Variants in STK39 observed in about 807,000 individuals in gnomAD.
STK39 encodes the protein STE20/SPS1-related proline-alanine-rich protein kinase.
In STK39, 20 loss-of-function variants were observed where a neutral mutation model predicts 77.8. That is an observed-to-expected ratio of 0.26 (90% CI 0.18 to 0.37). The LOEUF (loss-of-function observed/expected upper bound fraction) is 0.37, where lower values mean the gene tolerates loss of function less well. Ranked by LOEUF, STK39 falls within the 10% of genes least tolerant of loss-of-function variation. The pLI, the probability that STK39 is intolerant of heterozygous loss-of-function variation, is 1.00. For missense variants in STK39, 479 were observed against 656.5 expected (o/e 0.73, Z 2.95); for synonymous variants, 246 against 234.1 (o/e 1.05, Z -0.47).
At chr2:167,996,663 T>C (rs1387297842) in intron 16 of STK39, among the ~76,000 whole-genome samples, 1 of 152,210 alleles carries the variant, frequency 6.6e-6, no homozygotes, top group African/African-American at 2.4e-5. Flanking sequence ...CTGGATTGTC[T>C]TCTTGAGGCC....
In STK39 at chr2:168,068,833, G is replaced by A. The variant is rs947782680; in HGVS notation, c.1243-3452C>T. Reference sequence around the variant, plus strand: ...AACCATAATAAAAGTGGAGGGAGAAGTTAAATCTCTCTCTCCATCTCCATA... The same window carrying A: ...AACCATAATAAAAGTGGAGGGAGAAATTAAATCTCTCTCTCCATCTCCATA... On this transcript the variant is annotated intron_variant, in intron 12 of 17. Coordinates refer to ENST00000355999, the MANE Select transcript of STK39 (RefSeq NM_013233.3). Among the ~76,000 whole-genome samples, 7 of 152,164 alleles carry A rather than the reference G, an allele frequency of 4.6e-5. No homozygotes were observed. In the East Asian group the frequency reaches 5.8e-4, roughly 13 times the overall value.
intron 8 of STK39, among the ~76,000 whole-genome samples, chr2:168,133,915 G>T (rs1225643634): frequency 1.3e-5 from 2 of 152,024 alleles, no homozygotes; most frequent in East Asian, 3.9e-4. Context: ...AAAAGCTGAG[G>T]TCCTGCTGCC....
chr2:168,070,007 CAG>C (rs1264759935), intron 12 of STK39, among the ~76,000 whole-genome samples: 1 of 152,102 alleles, frequency 6.6e-6, no homozygotes, highest in Admixed American at 6.5e-5. Flanking sequence ...GCAAAATTGA[CAG>C]AAAGTCATAA....
intron 14 of STK39, among the ~76,000 whole-genome samples, chr2:168,047,214 T>C (rs1276284965): frequency 1.3e-5 from 2 of 152,208 alleles, no homozygotes; most frequent in Admixed American, 6.5e-5. Context: ...AAGCAAACAA[T>C]ACACTTCCCT....
rs181102528 is a variant in STK39, at chr2:167,992,955, C to T, written c.1498+19679G>A. Among the ~76,000 whole-genome samples, 347 of 152,320 alleles carry T rather than the reference C, an allele frequency of 2.3e-3. 4 individuals are homozygous for T. The highest frequency in any genetic ancestry group is 8.0e-3 in the African/African-American group (333 of 41,568). On this transcript the variant is annotated intron_variant, in intron 16 of 17. Transcript: ENST00000355999. Reference sequence around the variant, plus strand: ...TTAAGTAGGAGACACTCACCAATGACATGCATGCACCAATGAAAGCAAACT... The same window carrying T: ...TTAAGTAGGAGACACTCACCAATGATATGCATGCACCAATGAAAGCAAACT...
rs1687553969 is a variant in STK39, at chr2:168,126,781, G to A, written c.1089+2760C>T. On this transcript the variant is annotated intron_variant, in intron 10 of 17. Transcript: ENST00000355999. ...AAAGAACCTACAGGTGAGGGGTGGA[G>A]TATAGCTGATAACCCAATTGCTCAT... 2.6e-5 allele frequency among the ~76,000 whole-genome samples: 4 copies of A among 152,176 alleles called. No individual in the cohort carries two copies. The South Asian group carries it at 8.3e-4, about 32-fold the overall frequency.
At position 168,210,087 on chromosome 2, in the gene STK39, AACTC is replaced by A. The variant is rs202141724; in HGVS notation, c.209-28001_209-27998del. Among the ~76,000 whole-genome samples, 91 of 143,846 alleles carry A rather than the reference AACTC, an allele frequency of 6.3e-4. 1 individual carries two copies. The highest frequency in any genetic ancestry group is 2.5e-3 in the East Asian group (9 of 3,602). 94.4% of individuals were successfully genotyped at this position (143,846 alleles called of 152,430 possible). On this transcript the variant is annotated intron_variant, in intron 1 of 17. Transcript: ENST00000355999. Reference sequence around the variant, plus strand: ...GAAGGAAGGAAGGAAGGAAGAAAGAAACTCATGTAATTAGAAAAACCTCAATTCT... The same window carrying A: ...GAAGGAAGGAAGGAAGGAAGAAAGAAATGTAATTAGAAAAACCTCAATTCT...
At chr2:168,094,251 C>G (rs997837134) in intron 10 of STK39, among the ~76,000 whole-genome samples, 3 of 152,226 alleles carry the variant, frequency 2.0e-5, no homozygotes, top group Non-Finnish European at 4.4e-5. Flanking sequence ...GGGTTACTTA[C>G]AGAGTGAGTC....
At chr2:168,091,307 C>T (rs1250582836) in intron 10 of STK39, among the ~76,000 whole-genome samples, 1 of 152,170 alleles carries the variant, frequency 6.6e-6, no homozygotes, top group African/African-American at 2.4e-5. Flanking sequence ...AGAAACATGC[C>T]TCACATTTAA....
At chr2:168,037,028 C>T (rs139683435) in intron 14 of STK39, among the ~76,000 whole-genome samples, 5 of 152,268 alleles carry the variant, frequency 3.3e-5, no homozygotes, top group African/African-American at 1.2e-4. Context: ...CTTAGGCTTG[C>T]TTTGTTACGA....
chr2:168,247,276 CAGCCTGTGCCGCCGGGGCCGGGGCCGG>C lies in STK39; in HGVS notation c.133_159del (p.Pro45_Ala53del). On this transcript the variant is annotated inframe_deletion, in exon 1 of 18. Transcript: ENST00000355999. Reference sequence around the variant, plus strand: ...GCGTCCCTGCAGATGGGCCAGCCGACAGCCTGTGCCGCCGGGGCCGGGGCCGGGGCCGGGGCCGCGGGAGCTGCCGGG... The same window carrying C: ...GCGTCCCTGCAGATGGGCCAGCCGACGGCCGGGGCCGCGGGAGCTGCCGGG... 1 of 1,074,244 alleles carries C rather than the reference CAGCCTGTGCCGCCGGGGCCGGGGCCGG, an allele frequency of 9.3e-7. No homozygotes were observed. Among genetic ancestry groups the C allele is most frequent in the Non-Finnish European group, 1.1e-6 (1 of 888,476 alleles). 66.5% of individuals were successfully genotyped at this position (1,074,244 alleles called of 1,614,324 possible).
At chr2:168,127,782 T>C (rs1687583234) in intron 10 of STK39, among the ~76,000 whole-genome samples, 2 of 152,152 alleles carry the variant, frequency 1.3e-5, no homozygotes, top group Admixed American at 6.5e-5. Flanking sequence ...TAAGAAAGAA[T>C]AGAAACGGGG....
At chr2:168,078,559 G>C (rs1031226486) in intron 10 of STK39, among the ~76,000 whole-genome samples, 2 of 152,172 alleles carry the variant, frequency 1.3e-5, no homozygotes, top group African/African-American at 4.8e-5. Context: ...CCCTGACACA[G>C]GAATGGGGAG....
chr2:168,060,499 C>T (rs1304689942), intron 14 of STK39, among the ~76,000 whole-genome samples: 2 of 151,908 alleles, frequency 1.3e-5, no homozygotes, highest in Admixed American at 1.3e-4. Context: ...GCTGACATCC[C>T]GATCTCCACA....
At chr2:168,109,312 AG>A (rs1687060868) in intron 10 of STK39, among the ~76,000 whole-genome samples, 1 of 152,190 alleles carries the variant, frequency 6.6e-6, no homozygotes, top group Non-Finnish European at 1.5e-5. Context: ...GACATCACTT[AG>A]TGTTATTTTT....
chr2:168,141,675 G>C (rs1687988131), intron 5 of STK39, among the ~76,000 whole-genome samples: 1 of 152,164 alleles, frequency 6.6e-6, no homozygotes, highest in Non-Finnish European at 1.5e-5. Flanking sequence ...CGAGCTGGTG[G>C]GTAGTAATAA....
At chr2:168,126,771 G>A (rs746496849) in intron 10 of STK39, among the ~76,000 whole-genome samples, 61 of 152,310 alleles carry the variant, frequency 4.0e-4, no homozygotes, top group Non-Finnish European at 6.8e-4. Context: ...ACCTACAGGT[G>A]AGGGGTGGAG....
chr2:168,161,415 T>C (rs938627158), intron 5 of STK39, among the ~76,000 whole-genome samples: 2 of 152,218 alleles, frequency 1.3e-5, no homozygotes, highest in African/African-American at 4.8e-5. Flanking sequence ...AGAAATAAAT[T>C]AGTTTTTAAT....
chr2:168,005,222 T>C (rs1044303591), intron 16 of STK39, among the ~76,000 whole-genome samples: 1 of 151,924 alleles, frequency 6.6e-6, no homozygotes, highest in Admixed American at 6.6e-5. Context: ...GCCTGGCTGG[T>C]CTCAAACTCC....
Sources: allele counts gnomAD v4.1 joint callset (sites outside exome capture counted in the v4.1 genomes callset), GRCh38; gene constraint gnomAD v4.1.1; transcripts MANE v1.5; gene names NCBI Gene and HGNC (gene_info 2026-07-23, HGNC 2026-07-21).